PLEKHA3: variants seen among roughly 807,000 people sequenced by gnomAD.
PLEKHA3 encodes pleckstrin homology domain containing A3.
Under a neutral mutation model 39.2 loss-of-function variants are expected in PLEKHA3, and 19 were observed. The ratio of observed to expected loss-of-function variants is 0.48; its 90% CI spans 0.34 to 0.71. The LOEUF (loss-of-function observed/expected upper bound fraction) is 0.71, where lower values mean the gene tolerates loss of function less well. Among genes scored for constraint, PLEKHA3 ranks in the 30% least tolerant of loss-of-function variants. PLEKHA3 has a pLI of 0.01. For synonymous variants in PLEKHA3, 97 were observed against 118.6 expected (o/e 0.82, Z 1.18); for missense variants, 253 against 359.5 (o/e 0.70, Z 2.40).
chr2:178,501,203 C>A, intron 7 of PLEKHA3, 27 bp downstream of exon 7: 1 of 1,561,492 alleles, frequency 6.4e-7, no homozygotes, highest in Non-Finnish European at 8.8e-7. Flanking sequence ...CTGTCTCTTT[C>A]TTTGGCATAT....
rs1259800215 is a variant in PLEKHA3 at position 178,516,411 on chromosome 2, G to T, written c.*12524G>T. 1.3e-5 allele frequency: 2 copies of T among 151,862 alleles called. No individual in the cohort carries two copies. The highest frequency in any genetic ancestry group is 4.8e-5 in the African/African-American group (2 of 41,318). 9.4% of individuals were successfully genotyped at this position (151,862 alleles called of 1,614,324 possible). On this transcript the variant is annotated 3_prime_UTR_variant, in exon 8 of 8. Transcript: ENST00000234453. ...TATTTTTGTCATAAAAATTCTGCTT[G>T]TCGAAAATATTGTAGTAATTTTATA...
In PLEKHA3 at chr2:178,509,206, A is replaced by T. The variant is rs780835948; in HGVS notation, c.*5319A>T. On this transcript the variant is annotated 3_prime_UTR_variant, in exon 8 of 8. Transcript: ENST00000234453. ...TTGGTGGTTTGGAGGTAGAGGAAAT[A>T]AATTCATGTGGTTGGTTTGTATGTT... 7 of 152,164 alleles carry T rather than the reference A, an allele frequency of 4.6e-5. No individual in the cohort carries two copies. The highest frequency in any genetic ancestry group is 8.8e-5 in the Non-Finnish European group (6 of 68,042). The allele number at this position is 152,164 out of a possible 1,614,324, so 9.4% of individuals were successfully genotyped here.
In PLEKHA3 at chr2:178,505,094, A is replaced by C. The variant is rs1056307001; in HGVS notation, c.*1207A>C. On this transcript the variant is annotated 3_prime_UTR_variant, in exon 8 of 8. Coordinates refer to ENST00000234453, the MANE Select transcript of PLEKHA3 (RefSeq NM_019091.4). ...TACATTGTATTTTTTACATTCATTGATATTCTGTCTAATCTTTATTAGGCA... is the reference window on the plus strand; with the variant it reads ...TACATTGTATTTTTTACATTCATTGCTATTCTGTCTAATCTTTATTAGGCA... 1 of 152,370 alleles carries C rather than the reference A, an allele frequency of 6.6e-6. No individual in the cohort carries two copies. The highest frequency in any genetic ancestry group is 1.5e-5 in the Non-Finnish European group (1 of 67,858). The allele number at this position is 152,370 out of a possible 1,614,324, so 9.4% of individuals were successfully genotyped here.
intron 3 of PLEKHA3, among the ~76,000 whole-genome samples, chr2:178,491,461 G>A (rs543870371): frequency 6.6e-6 from 1 of 152,300 alleles, no homozygotes; most frequent in South Asian, 2.1e-4. Flanking sequence ...GCTTAGGAAA[G>A]GTATGTAAGA....
At position 178,500,051 on chromosome 2, in the gene PLEKHA3, C is replaced by T. The variant is rs139540416; in HGVS notation, c.659+797C>T. On this transcript the variant is annotated intron_variant, in intron 6 of 7. Coordinates refer to ENST00000234453, the MANE Select transcript of PLEKHA3 (RefSeq NM_019091.4). ...TTTAAAGTACATATTCATATCAATA[C>T]GTTTAAAAATTTTACCTTCTGGATA... Among the ~76,000 whole-genome samples, 25 of 152,184 alleles carry T rather than the reference C, an allele frequency of 1.6e-4. No individual in the cohort carries two copies. The East Asian group carries it at 4.8e-3, about 29-fold the overall frequency.
chr2:178,491,464 A>G (rs1055741190), intron 3 of PLEKHA3, among the ~76,000 whole-genome samples: 26 of 152,232 alleles, frequency 1.7e-4, no homozygotes, highest in Non-Finnish European at 3.2e-4. Context: ...TAGGAAAGGT[A>G]TGTAAGAATT....
intron 3 of PLEKHA3, among the ~76,000 whole-genome samples, chr2:178,492,934 G>GT (rs1014662440): frequency 3.9e-5 from 6 of 152,096 alleles, no homozygotes; most frequent in Non-Finnish European, 7.4e-5. Context: ...CTTTACCACA[G>GT]TTTTTTTTAA....
Position 178,510,352 on chromosome 2 carries a change from T to C in PLEKHA3, c.*6465T>C, listed in dbSNP as rs550287297. 1 of 153,928 alleles carries C rather than the reference T, an allele frequency of 6.5e-6. No individual in the cohort carries two copies. The highest frequency in any genetic ancestry group is 2.4e-5 in the African/African-American group (1 of 41,594). The allele number at this position is 153,928 out of a possible 1,614,324, so 9.5% of individuals were successfully genotyped here. A position where few individuals can be genotyped will look rare whatever the true frequency, so the allele number is the denominator to read the frequency against. ...TTGGTATTATATTTTGTTTTTATCA[T>C]ATAAATATGAAGTATAGGAGATAAG... On this transcript the variant is annotated 3_prime_UTR_variant, in exon 8 of 8. Transcript: ENST00000234453.
intron 7 of PLEKHA3, chr2:178,502,310 C>T (rs1163243436): frequency 1.6e-5 from 6 of 381,766 alleles, no homozygotes; most frequent in Non-Finnish European, 2.6e-5. Context: ...ATTCTATGCT[C>T]ATTAACATTT....
chr2:178,494,219 G>T (rs1024875655), intron 4 of PLEKHA3, among the ~76,000 whole-genome samples: 2 of 152,188 alleles, frequency 1.3e-5, no homozygotes, highest in Non-Finnish European at 2.9e-5. Flanking sequence ...GCTTGTCTTT[G>T]CAGCCAGTCT....
chr2:178,494,954 G>C (rs1387901810), intron 4 of PLEKHA3, among the ~76,000 whole-genome samples: 1 of 141,160 alleles, frequency 7.1e-6, no homozygotes, highest in Admixed American at 7.3e-5. Flanking sequence ...AGGAAAAAAT[G>C]AGCATTTAGT....
rs1339087075 is a variant in PLEKHA3, at chr2:178,509,492, T to A, written c.*5605T>A. The A allele has an allele frequency of 6.6e-6, 1 of 151,986 alleles. No individual in the cohort carries two copies. 9.4% of individuals were successfully genotyped at this position (151,986 alleles called of 1,614,324 possible). A position where few individuals can be genotyped will look rare whatever the true frequency, so the allele number is the denominator to read the frequency against. On this transcript the variant is annotated 3_prime_UTR_variant, in exon 8 of 8. Coordinates refer to ENST00000234453, the MANE Select transcript of PLEKHA3 (RefSeq NM_019091.4). The stretch of plus-strand genomic sequence containing the variant: ...TACTACTATCAGTTTTTTTTTTTTT[T>A]TCTGAGACAGGGTCTCACTCTTTCA...
chr2:178,490,345 C>T (rs1685323910), intron 2 of PLEKHA3, among the ~76,000 whole-genome samples: 1 of 152,120 alleles, frequency 6.6e-6, no homozygotes, highest in Admixed American at 6.5e-5. Context: ...ACATTCATTG[C>T]AGTTGTATTT....
chr2:178,489,195 T>C (rs1685304585), intron 2 of PLEKHA3, among the ~76,000 whole-genome samples: 1 of 152,220 alleles, frequency 6.6e-6, no homozygotes, highest in Non-Finnish European at 1.5e-5. Context: ...TAGAAATCTT[T>C]TGCATTCATA....
In PLEKHA3 at chr2:178,495,657, A is replaced by C; in HGVS notation, c.612A>C (p.Gln204His). The C allele has an allele frequency of 6.2e-7, 1 of 1,602,696 alleles. No homozygotes were observed. The highest frequency in any genetic ancestry group is 8.5e-7 in the Non-Finnish European group (1 of 1,173,730). ...CTCCTGTGTCACCTTCTCCTGTTCAAATGGTTTGAACTTCTTGTTTTGGTT... is the reference window on the plus strand; with the variant it reads ...CTCCTGTGTCACCTTCTCCTGTTCACATGGTTTGAACTTCTTGTTTTGGTT... ...LVSPVSPSPV[Q>H]MMKRSVSHPG... is the part of the protein sequence containing the mutation. The change falls in exon 5 of 8, where the codon CAA becomes CAC. Residue 204 changes from glutamine to histidine, a missense_variant. Coordinates refer to ENST00000234453, the MANE Select transcript of PLEKHA3 (RefSeq NM_019091.4).
rs569499105 is a variant in PLEKHA3, at chr2:178,497,751, T to C, written c.616-1460T>C. Among the ~76,000 whole-genome samples, 4 of 152,284 alleles carry C rather than the reference T, an allele frequency of 2.6e-5. No individual in the cohort carries two copies. In the East Asian group the frequency reaches 7.7e-4, roughly 29 times the overall value. On this transcript the variant is annotated intron_variant, in intron 5 of 7. Coordinates refer to ENST00000234453, the MANE Select transcript of PLEKHA3 (RefSeq NM_019091.4). ...ACACTTTTTTTTTTTAAGCTGTACT[T>C]TTTAGAGTCAAATGCAGTAAAACAC...
chr2:178,494,705 G>C (rs564213479), intron 4 of PLEKHA3, among the ~76,000 whole-genome samples: 7 of 152,194 alleles, frequency 4.6e-5, no homozygotes, highest in African/African-American at 1.7e-4. Context: ...AGGGACCCAG[G>C]CTTGTTCCAT....
intron 5 of PLEKHA3, 131 bp from the exon 6 acceptor site, chr2:178,499,080 A>AT (rs3214536): frequency 0.67 from 446,316 of 668,834 alleles, 147,549 homozygotes; most frequent in South Asian, 0.8. Flanking sequence ...GAAAGATTAA[A>AT]TTTTTTTTTG....
rs1202996031 is a variant in PLEKHA3, at chr2:178,490,736, G to C, written c.235G>C (p.Ala79Pro). ...TTTCTACATGAAGGCAGTGAATGCA[G>C]CTGAAAGACAGAGGTGGCTGGTCGC... is the stretch of plus-strand genomic sequence containing the variant. Reference protein sequence around the residue: ...QHFYMKAVNAAERQRWLVALG... With the variant: ...QHFYMKAVNAPERQRWLVALG... Residue 79 changes from alanine (A) to proline (P), a missense_variant, in exon 3 of 8, where the codon GCT (alanine) becomes CCT (proline). By Grantham distance (27) the Ala-to-Pro change is conservative. Around this residue, in one of 2 missense-constraint regions of PLEKHA3, gnomAD observed 126 missense variants for 222.7 expected, o/e 0.57. Coordinates refer to ENST00000234453, the MANE Select transcript of PLEKHA3 (RefSeq NM_019091.4). The C allele has an allele frequency of 1.2e-6, 2 of 1,614,058 alleles. No homozygotes were observed. The highest frequency in any genetic ancestry group is 3.3e-5 in the Admixed American group (2 of 60,026).
Sources: gnomAD v4.1 joint callset for allele counts (sites outside exome capture counted in the v4.1 genomes callset) on GRCh38, gnomAD v4.1.1 for gene constraint, gnomAD v4.1.1 regional missense constraint, MANE v1.5 for transcripts, NCBI Gene and HGNC (gene_info 2026-07-23, HGNC 2026-07-21) for gene names.